MCTP2: variants seen among roughly 807,000 people sequenced by gnomAD.
MCTP2 encodes multiple C2 and transmembrane domain containing 2, also known as multiple C2 and transmembrane domain-containing protein 2.
A neutral mutation model predicts 111.6 loss-of-function variants in MCTP2; 132 were observed. The ratio of observed to expected loss-of-function variants is 1.18; its 90% confidence interval spans 1.03 to 1.37. MCTP2 has a LOEUF of 1.37. Among genes scored for constraint, MCTP2 ranks in the 40% most tolerant of loss-of-function variants. MCTP2 has a pLI of 0.00. For synonymous variants in MCTP2, 395 were observed against 387.7 expected (o/e 1.02, Z -0.22); for missense variants, 1,183 against 1,067.9 (o/e 1.11, Z -1.50).
chr15:94,336,444 A>T (rs2077364109), intron 4 of MCTP2, among the ~76,000 whole-genome samples: 1 of 152,130 alleles, frequency 6.6e-6, no homozygotes, highest in South Asian at 2.1e-4. Context: ...AGGATCTGGG[A>T]TGGATGCACC....
At chr15:94,345,247 T>C (rs2077911181) in intron 8 of MCTP2, 83 bp downstream of exon 8, 1 of 1,268,938 alleles carries the variant, frequency 7.9e-7, no homozygotes, top group Non-Finnish European at 1.1e-6. Context: ...ATGATAGATA[T>C]TACCCAATCT....
chr15:94,468,275 T>G (rs1194206389), intron 20 of MCTP2, among the ~76,000 whole-genome samples: 4 of 152,112 alleles, frequency 2.6e-5, no homozygotes, highest in Non-Finnish European at 4.4e-5. Flanking sequence ...AAGTTTTTAA[T>G]TCTAGCAGAA....
chr15:94,444,790 T>A (rs1433197402), intron 19 of MCTP2, among the ~76,000 whole-genome samples: 1 of 152,214 alleles, frequency 6.6e-6, no homozygotes, highest in Admixed American at 6.5e-5. Context: ...ATTCTAAATA[T>A]TTATAAACCA....
chr15:94,455,462 G>C (rs1016567455), intron 19 of MCTP2, among the ~76,000 whole-genome samples: 2 of 151,334 alleles, frequency 1.3e-5, no homozygotes, highest in African/African-American at 2.4e-5. Context: ...TTTTTTAGAC[G>C]GAGTCTCGCT....
chr15:94,257,395 T>C (rs886181755), intron 1 of MCTP2, among the ~76,000 whole-genome samples: 2 of 151,874 alleles, frequency 1.3e-5, no homozygotes, highest in Non-Finnish European at 2.9e-5. Context: ...AAAGGAGGAA[T>C]TTTGAGGGTA....
At chr15:94,239,379 G>A (rs548538695) in intron 1 of MCTP2, among the ~76,000 whole-genome samples, 1 of 152,168 alleles carries the variant, frequency 6.6e-6, no homozygotes, top group Non-Finnish European at 1.5e-5. Context: ...AGTGCTGCAG[G>A]CTCAATTATT....
intron 19 of MCTP2, among the ~76,000 whole-genome samples, chr15:94,453,209 C>A (rs1003093915): frequency 3.9e-5 from 6 of 152,144 alleles, no homozygotes; most frequent in African/African-American, 7.2e-5. Flanking sequence ...ACTGGTAGCC[C>A]ATGAGATGCA....
chr15:94,348,672 CAT>C (rs1332473656), intron 8 of MCTP2, among the ~76,000 whole-genome samples: 1 of 150,972 alleles, frequency 6.6e-6, no homozygotes, highest in African/African-American at 2.4e-5. Context: ...ATTGAACTCA[CAT>C]GTCTTATTTC....
chr15:94,430,653 C>T (rs1451181849), intron 17 of MCTP2, among the ~76,000 whole-genome samples: 20 of 151,158 alleles, frequency 1.3e-4, no homozygotes, highest in Admixed American at 1.3e-3. Flanking sequence ...GAGGCTGAGG[C>T]AGGACAATCA....
chr15:94,323,072 T>C (rs191019455), intron 4 of MCTP2, among the ~76,000 whole-genome samples: 3 of 152,210 alleles, frequency 2.0e-5, no homozygotes, highest in African/African-American at 7.2e-5. Context: ...CTCCCTTCCC[T>C]GGTTCAAACA....
chr15:94,381,178 C>T (rs1467425012), intron 12 of MCTP2, among the ~76,000 whole-genome samples: 1 of 152,204 alleles, frequency 6.6e-6, no homozygotes, highest in African/African-American at 2.4e-5. Context: ...ATGAGAGATA[C>T]TTGTTATCTC....
At chr15:94,261,018 AC>A (rs2073146777) in intron 1 of MCTP2, among the ~76,000 whole-genome samples, 1 of 152,122 alleles carries the variant, frequency 6.6e-6, no homozygotes, top group South Asian at 2.1e-4. Context: ...TTTTATCATG[AC>A]CGAGACCCTC....
chr15:94,344,488 G>T (rs1436161797), intron 7 of MCTP2, among the ~76,000 whole-genome samples: 2 of 152,176 alleles, frequency 1.3e-5, no homozygotes, highest in Non-Finnish European at 2.9e-5. Flanking sequence ...AGAGGGTTTT[G>T]CTTGGAGAGA....
chr15:94,402,143 A>C, intron 17 of MCTP2, 124 bp downstream of exon 17: 1 of 1,369,304 alleles, frequency 7.3e-7, no homozygotes, highest in East Asian at 2.4e-5. Flanking sequence ...CTTAGGTCAA[A>C]TTTACCTGGG....
intron 19 of MCTP2, among the ~76,000 whole-genome samples, chr15:94,443,900 C>T (rs190886418): frequency 7.4e-6 from 1 of 135,722 alleles, no homozygotes; most frequent in East Asian, 2.2e-4. Flanking sequence ...TTGATGTTAG[C>T]TAGCGGTTTC....
intron 1 of MCTP2, among the ~76,000 whole-genome samples, chr15:94,284,087 C>T (rs1277232582): frequency 6.6e-6 from 1 of 152,104 alleles, no homozygotes; most frequent in East Asian, 1.9e-4. Flanking sequence ...TTTGGCAATA[C>T]CTAGCTAGTC....
intron 17 of MCTP2, among the ~76,000 whole-genome samples, chr15:94,425,212 T>G (rs2082823944): frequency 6.6e-6 from 1 of 152,228 alleles, no homozygotes; most frequent in African/African-American, 2.4e-5. Flanking sequence ...TATTGAATAT[T>G]CTGCCTTTTC....
At chr15:94,411,526 G>T (rs537665136) in intron 17 of MCTP2, among the ~76,000 whole-genome samples, 2 of 152,110 alleles carry the variant, frequency 1.3e-5, no homozygotes, top group African/African-American at 4.8e-5. Flanking sequence ...CCCAGTAATC[G>T]TTCTAGCTGC....
At chr15:94,356,067 C>A in intron 8 of MCTP2, 70 bp from the exon 9 acceptor site, 1 of 1,401,632 alleles carries the variant, frequency 7.1e-7, no homozygotes, top group Non-Finnish European at 9.3e-7. Flanking sequence ...AGTTGGAATT[C>A]CTATGATCAT....
Sources: gnomAD v4.1 joint callset for allele counts (sites outside exome capture counted in the v4.1 genomes callset) on GRCh38, gnomAD v4.1.1 for gene constraint, MANE v1.5 for transcripts, NCBI Gene and HGNC (gene_info 2026-07-23, HGNC 2026-07-21) for gene names.